SUGCT: variants seen among roughly 807,000 people sequenced by gnomAD.
SUGCT encodes the protein succinyl-CoA:glutarate-CoA transferase, also known as succinyl-CoA:glutarate CoA-transferase.
Under a neutral mutation model 55.0 loss-of-function variants are expected in SUGCT, and 41 were observed. The observed-to-expected ratio is 0.74, with a 90% CI of 0.58 to 0.97. The LOEUF is 0.97. SUGCT is among the 50% of genes least tolerant of loss of function. The pLI is 0.00. For synonymous variants in SUGCT, 187 were observed against 200.4 expected, an observed-to-expected ratio of 0.93 and a Z score of 0.56; for missense variants, 568 against 547.8, an observed-to-expected ratio of 1.04 and a Z score of -0.37.
At chr7:40,906,550 TA>T in the SUGCT span, among the ~76,000 whole-genome samples, 3 of 151,924 alleles carry the variant, frequency 2.0e-5, no homozygotes, top group African/African-American at 4.8e-5. Flanking sequence ...AATGCAACAA[TA>T]AAAAAATACA....
intron 13 of SUGCT, among the ~76,000 whole-genome samples, chr7:40,757,896 A>C (rs1246629154): frequency 6.6e-6 from 1 of 152,234 alleles, no homozygotes; most frequent in Non-Finnish European, 1.5e-5. Flanking sequence ...TGCACAAAAA[A>C]GTCTTTCTGG....
chr7:40,694,167 G>A (rs932792081), intron 12 of SUGCT, among the ~76,000 whole-genome samples: 6 of 152,186 alleles, frequency 3.9e-5, no homozygotes. Flanking sequence ...CGTTTTGAAA[G>A]TTTCTGTCAA....
chr7:40,834,043 T>C (rs534447616), intron 13 of SUGCT, among the ~76,000 whole-genome samples: 3 of 152,320 alleles, frequency 2.0e-5, no homozygotes, highest in Admixed American at 2.0e-4. Context: ...AGTTCTCTTC[T>C]GTGCTGTAAA....
intron 8 of SUGCT, among the ~76,000 whole-genome samples, chr7:40,285,970 A>C (rs2151032177): frequency 6.6e-6 from 1 of 152,220 alleles, no homozygotes; most frequent in East Asian, 1.9e-4. Flanking sequence ...ATTGTGATCC[A>C]TTCCATATGC....
At chr7:40,892,411 C>A in the SUGCT span, among the ~76,000 whole-genome samples, 6 of 152,058 alleles carry the variant, frequency 3.9e-5, no homozygotes, top group African/African-American at 1.4e-4. Flanking sequence ...GAACATTTAT[C>A]AAATCACAAA....
intron 8 of SUGCT, among the ~76,000 whole-genome samples, chr7:40,301,670 G>A (rs1794550267): frequency 6.6e-6 from 1 of 152,202 alleles, no homozygotes; most frequent in Non-Finnish European, 1.5e-5. Context: ...GCTCAAGAGA[G>A]CAGTGCAGTG....
chr7:40,528,705 T>C (rs975567354), intron 12 of SUGCT, among the ~76,000 whole-genome samples: 5 of 152,254 alleles, frequency 3.3e-5, no homozygotes, highest in Admixed American at 2.0e-4. Context: ...TTTCAAGATA[T>C]ACATTTTAGA....
chr7:40,206,352 G>A (rs1448144332), intron 6 of SUGCT, among the ~76,000 whole-genome samples: 1 of 152,176 alleles, frequency 6.6e-6, no homozygotes, highest in Admixed American at 6.5e-5. Flanking sequence ...CTTCAAGCTA[G>A]CATTAGTGCA....
intron 9 of SUGCT, among the ~76,000 whole-genome samples, chr7:40,326,592 A>G (rs1796038485): frequency 6.6e-6 from 1 of 152,210 alleles, no homozygotes; most frequent in Admixed American, 6.5e-5. Context: ...AACTCTTTGT[A>G]GAACTTTTTC....
chr7:40,275,220 T>C (rs915999859), intron 8 of SUGCT, among the ~76,000 whole-genome samples: 2 of 152,206 alleles, frequency 1.3e-5, no homozygotes, highest in African/African-American at 2.4e-5. Context: ...TTGCTTCTTA[T>C]AAGACAAGAG....
intron 12 of SUGCT, among the ~76,000 whole-genome samples, chr7:40,636,419 C>A (rs191086520): frequency 1.2e-4 from 19 of 152,244 alleles, no homozygotes; most frequent in Non-Finnish European, 2.1e-4. Context: ...TCTGAGCCTG[C>A]AATTTACCCA....
chr7:40,700,967 A>G (rs1465108046), intron 12 of SUGCT, among the ~76,000 whole-genome samples: 1 of 152,126 alleles, frequency 6.6e-6, no homozygotes, highest in Non-Finnish European at 1.5e-5. Context: ...TCTGAAAATT[A>G]CAAGCAAGGG....
chr7:40,135,054 C>T lies in SUGCT; in HGVS notation c.34C>T (p.Arg12Cys). 2 of 1,561,430 alleles carry T rather than the reference C, an allele frequency of 1.3e-6. No individual in the cohort carries two copies. Among genetic ancestry groups the T allele is most frequent in the Non-Finnish European group, 1.7e-6 (2 of 1,154,292 alleles). ...GACGCTGGCGAGGGTGGCAGCTCTG[C>T]GCAGAACCTGCCTCTTCTCCGGCCG... ...LATLARVAAL[R>C]RTCLFSGRGG... Residue 12 changes from arginine to cysteine, a missense_variant, in exon 1 of 14, where the codon CGC becomes TGC. Arg to Cys is a radical substitution (Grantham distance 180). Coordinates refer to ENST00000335693, the MANE Select transcript of SUGCT (RefSeq NM_001193313.2).
intron 13 of SUGCT, among the ~76,000 whole-genome samples, chr7:40,849,791 G>A (rs1452135197): frequency 6.6e-6 from 1 of 152,080 alleles, no homozygotes; most frequent in Non-Finnish European, 1.5e-5. Flanking sequence ...GGGATTCTCA[G>A]GGGGCGCCAG....
At chr7:40,883,446 A>G in the SUGCT span, among the ~76,000 whole-genome samples, 1 of 152,280 alleles carries the variant, frequency 6.6e-6, no homozygotes, top group East Asian at 1.9e-4. Flanking sequence ...TGGGCCTTGG[A>G]GTTTAACACC....
chr7:40,257,492 A>G (rs903545385), intron 7 of SUGCT, among the ~76,000 whole-genome samples: 3 of 152,200 alleles, frequency 2.0e-5, no homozygotes, highest in Non-Finnish European at 4.4e-5. Flanking sequence ...GTTAAAAAAA[A>G]AGAGAAAGCT....
rs1787085450 is a variant in SUGCT, at chr7:40,735,030, A to G, written c.1090-14404A>G. On this transcript the variant is annotated intron_variant, in intron 12 of 13. Transcript: ENST00000335693. ...GCAACTAGAAAATTCCTAAGAATGA[A>G]GGAGTTATTTGGTTCTTGCTAAGTG... is the stretch of plus-strand genomic sequence containing the variant. 2.0e-5 allele frequency among the ~76,000 whole-genome samples: 3 copies of G among 152,216 alleles called. No individual in the cohort carries two copies. In the South Asian group the frequency reaches 6.2e-4, roughly 32 times the overall value.
At chr7:40,292,853 T>C (rs1253234975) in intron 8 of SUGCT, among the ~76,000 whole-genome samples, 4 of 152,212 alleles carry the variant, frequency 2.6e-5, no homozygotes, top group Non-Finnish European at 5.9e-5. Context: ...AGATATCAGC[T>C]CAATGAATCT....
chr7:40,405,808 T>TA (rs60966218), intron 9 of SUGCT, among the ~76,000 whole-genome samples: 47 of 90,892 alleles, frequency 5.2e-4, no homozygotes, highest in African/African-American at 1.7e-3. Flanking sequence ...AGACTCTGTC[T>TA]AAAAAAAAAA....
Sources: allele counts gnomAD v4.1 joint callset (sites outside exome capture counted in the v4.1 genomes callset), GRCh38; gene constraint gnomAD v4.1.1; transcripts MANE v1.5; gene names NCBI Gene and HGNC (gene_info 2026-07-23, HGNC 2026-07-21).